The following NUP98 variants were observed in gnomAD, a reference collection of about 807,000 sequenced individuals.
NUP98 encodes the protein nuclear pore complex protein Nup98-Nup96.
NUP98 carries 26 observed loss-of-function variants against 191.9 expected under a neutral mutation model. That is an observed-to-expected ratio of 0.14 (90% CI 0.10 to 0.19). The LOEUF is 0.19. Among genes scored for constraint, NUP98 ranks in the 10% least tolerant of loss-of-function variants. The pLI is 1.00. For synonymous variants in NUP98, 808 were observed against 778.4 expected, an observed-to-expected ratio of 1.04 and a Z score of -0.63; for missense variants, 1,941 against 2,178.8, an observed-to-expected ratio of 0.89 and a Z score of 2.17.
At chr11:3,751,213 C>G (rs2080737934) in intron 11 of NUP98, among the ~76,000 whole-genome samples, 1 of 152,068 alleles carries the variant, frequency 6.6e-6, no homozygotes. Flanking sequence ...ACAAAATTAG[C>G]TGGGCATGTG....
At chr11:3,754,203 C>T (rs2080873279) in intron 10 of NUP98, among the ~76,000 whole-genome samples, 1 of 152,002 alleles carries the variant, frequency 6.6e-6, no homozygotes, top group Non-Finnish European at 1.5e-5. Flanking sequence ...CCAAGGTGGG[C>T]GGATCATGAG....
intron 13 of NUP98, among the ~76,000 whole-genome samples, chr11:3,733,334 G>A (rs865924371): frequency 6.6e-6 from 1 of 152,032 alleles, no homozygotes; most frequent in Non-Finnish European, 1.5e-5. Flanking sequence ...GTTTTGAGAC[G>A]GAGTTTCGCT....
intron 23 of NUP98, among the ~76,000 whole-genome samples, chr11:3,701,424 G>A (rs1001897625): frequency 1.3e-5 from 2 of 151,830 alleles, no homozygotes; most frequent in Non-Finnish European, 2.9e-5. Context: ...ACCACCCTGG[G>A]CTAATTTTTG....
chr11:3,679,855 T>C, intron 30 of NUP98, 147 bp from the exon 31 acceptor site: 2 of 716,362 alleles, frequency 2.8e-6, no homozygotes, highest in East Asian at 2.7e-5. Flanking sequence ...ACCTCAAAGA[T>C]ACTGTGGGTT....
chr11:3,676,913 G>T (rs2077832887), intron 31 of NUP98, among the ~76,000 whole-genome samples: 1 of 152,138 alleles, frequency 6.6e-6, no homozygotes, highest in African/African-American at 2.4e-5. Flanking sequence ...GATAAATTGG[G>T]TTCAGAGAGA....
chr11:3,700,632 T>C lies in NUP98; in HGVS notation c.3720A>G (p.Ser1240=). Residue 1240 remains serine (S), a synonymous_variant, in exon 24 of 33, where the codon TCA becomes TCG. Transcript: ENST00000324932. ...HDYADWVKEA[S]GDLPEAQIVK... ...CACTTTGTGCTTCTGGTAAGTCTCC[T>C]GATGCTTCTTTAACCCAATCTGCAT... The C allele has an allele frequency of 6.2e-7, 1 of 1,613,750 alleles. No homozygotes were observed. The highest frequency in any genetic ancestry group is 8.5e-7 in the Non-Finnish European group (1 of 1,179,732).
rs772406772 is a variant in NUP98, at chr11:3,695,464, C to A, written c.4152G>T (p.Leu1384=). 3 of 1,556,770 alleles carry A rather than the reference C, an allele frequency of 1.9e-6. No individual in the cohort carries two copies. The Admixed American group carries it at 6.1e-5, about 32-fold the overall frequency. The change falls in exon 26 of 33, where the codon CTG becomes CTT. Residue 1384 remains leucine (L), a synonymous_variant. Coordinates refer to ENST00000324932, the MANE Select transcript of NUP98 (RefSeq NM_016320.5). ...TAGAAGATACCGGTTTTCCAGCCAA[C>A]AGAGCAAAGATGCGCAGTCTCTCAT... ...IQDERLRIFA[L]LAGKPVWQLS...
chr11:3,766,415 C>T (rs574977892), intron 8 of NUP98, among the ~76,000 whole-genome samples: 14 of 151,978 alleles, frequency 9.2e-5, no homozygotes, highest in African/African-American at 2.9e-4. Context: ...GAAGGCCAGG[C>T]GCAGTGGCTC....
chr11:3,699,814 G>A (rs2078621192), intron 24 of NUP98, among the ~76,000 whole-genome samples: 1 of 152,174 alleles, frequency 6.6e-6, no homozygotes, highest in African/African-American at 2.4e-5. Context: ...CTCAAAACGT[G>A]TGGCATAGGA....
intron 1 of NUP98, among the ~76,000 whole-genome samples, chr11:3,791,911 G>A (rs571891225): frequency 7.3e-5 from 11 of 151,550 alleles, no homozygotes; most frequent in South Asian, 6.2e-4. Context: ...TGGGCGCAGC[G>A]GCTCATGCCT....
At chr11:3,723,523 T>C in intron 15 of NUP98, 68 bp from the exon 16 acceptor site, 4 of 1,350,336 alleles carry the variant, frequency 3.0e-6, no homozygotes, top group South Asian at 2.6e-5. Flanking sequence ...AGCTAACTAA[T>C]ACCGAGCCTT....
rs571689501 is a variant in NUP98, at chr11:3,688,947, T to C, written c.4454+2400A>G. Among the ~76,000 whole-genome samples the C allele has an allele frequency of 8.7e-4, 132 of 151,246 alleles. 2 individuals carry two copies. Among genetic ancestry groups the C allele is most frequent in the Middle Eastern group, 3.5e-3 (1 of 288 alleles). ...TATTTCTAAGGTAATGTAAGAAGAC[T>C]TCTCTGCTGCGTGCAGTGGCTGACA... On this transcript the variant is annotated intron_variant, in intron 28 of 32. Coordinates refer to ENST00000324932, the MANE Select transcript of NUP98 (RefSeq NM_016320.5).
chr11:3,785,734 G>T (rs994161615), intron 1 of NUP98, among the ~76,000 whole-genome samples: 4 of 152,262 alleles, frequency 2.6e-5, no homozygotes, highest in Middle Eastern at 3.4e-3. Flanking sequence ...ACTCCAGTCT[G>T]GGCAACACAG....
In NUP98 at chr11:3,685,974, C is replaced by T. The variant is rs765934118; in HGVS notation, c.4675G>A (p.Gly1559Ser). 6.2e-7 allele frequency: 1 copy of T among 1,613,498 alleles called. No homozygotes were observed. Among genetic ancestry groups the T allele is most frequent in the Non-Finnish European group, 8.5e-7 (1 of 1,179,792 alleles). ...TGGGTTCAACGGCTTCTCACTCACC[C>T]TGAGTTGTCAATGTGCAGGAGGACA... ...IFVLLHIDNS[G>S]IREKAVRELL... The change falls in exon 29 of 33, where the codon GGC becomes AGC. Residue 1559 changes from glycine (G) to serine (S), a missense_variant and splice_region_variant. Transcript: ENST00000324932.
chr11:3,677,127 T>C (rs1297186913), intron 31 of NUP98, among the ~76,000 whole-genome samples: 1 of 152,096 alleles, frequency 6.6e-6, no homozygotes. Flanking sequence ...AAAACAGTAA[T>C]AAATCCTGAA....
chr11:3,703,042 G>A (rs2078758379), intron 22 of NUP98, 150 bp from the exon 23 acceptor site: 2 of 660,856 alleles, frequency 3.0e-6, no homozygotes, highest in South Asian at 2.2e-5. Context: ...AGCAGGCTAA[G>A]TCAGATTTTG....
intron 8 of NUP98, among the ~76,000 whole-genome samples, chr11:3,763,490 T>G (rs2081242495): frequency 6.6e-6 from 1 of 152,136 alleles, no homozygotes; most frequent in Non-Finnish European, 1.5e-5. Flanking sequence ...GAACTTAGAA[T>G]CAAGTAACCA....
intron 26 of NUP98, among the ~76,000 whole-genome samples, chr11:3,694,642 A>G (rs2078443328): frequency 6.6e-6 from 1 of 151,906 alleles, no homozygotes; most frequent in Non-Finnish European, 1.5e-5. Flanking sequence ...CAGGAGGCTG[A>G]GGCAGAAGAA....
At position 3,696,311 on chromosome 11, in the gene NUP98, C is replaced by T. The variant is rs56255860; in HGVS notation, c.4010-705G>A. On this transcript the variant is annotated intron_variant, in intron 25 of 32. Coordinates refer to ENST00000324932, the MANE Select transcript of NUP98 (RefSeq NM_016320.5). Reference sequence around the variant, plus strand: ...GGGGTCAGGAGTTCGAGACCAACCTCGCCAACATGATGAAACTTTGTCTCT... The same window carrying T: ...GGGGTCAGGAGTTCGAGACCAACCTTGCCAACATGATGAAACTTTGTCTCT... Among the ~76,000 whole-genome samples the T allele has an allele frequency of 3.9e-3, 593 of 151,914 alleles. 6 individuals are homozygous for T. Among genetic ancestry groups the T allele is most frequent in the African/African-American group, 0.014 (560 of 41,446 alleles).
Sources: gnomAD v4.1 joint callset for allele counts (sites outside exome capture counted in the v4.1 genomes callset) on GRCh38, gnomAD v4.1.1 for gene constraint, MANE v1.5 for transcripts, NCBI Gene and HGNC (gene_info 2026-07-23, HGNC 2026-07-21) for gene names.